The following PCDH9 variants were observed in gnomAD, a reference collection of about 807,000 sequenced individuals.
PCDH9 encodes the protein protocadherin 9.
Under a neutral mutation model 70.6 loss-of-function variants are expected in PCDH9, and 24 were observed. The ratio of observed to expected loss-of-function variants is 0.34; its 90% CI spans 0.25 to 0.48. The LOEUF is 0.48. PCDH9 is among the 20% of genes least tolerant of loss of function. The pLI is 0.99. For synonymous variants in PCDH9, 562 were observed against 558.5 expected (o/e 1.01, Z -0.09); for missense variants, 1,281 against 1,503.6 (o/e 0.85, Z 2.45).
intron 3 of PCDH9, among the ~76,000 whole-genome samples, chr13:66,894,787 T>G (rs1322170572): frequency 1.3e-5 from 2 of 152,126 alleles, no homozygotes; most frequent in Admixed American, 1.3e-4. Flanking sequence ...TACATATACT[T>G]AAAACTGTCT....
At chr13:66,391,196 A>G (rs1957011056) in intron 4 of PCDH9, among the ~76,000 whole-genome samples, 1 of 152,188 alleles carries the variant, frequency 6.6e-6, no homozygotes, top group Non-Finnish European at 1.5e-5. Context: ...AAGGAAAATA[A>G]CGTCCAATAG....
rs528305547 is a variant in PCDH9 at position 66,310,054 on chromosome 13, AT to A, written c.3341-5027del. 7.6e-4 allele frequency among the ~76,000 whole-genome samples: 115 copies of A among 151,860 alleles called. 1 individual carries two copies. The highest frequency in any genetic ancestry group is 1.1e-3 in the Admixed American group (17 of 15,224). ...TTTTTAAACACTGAAACATTTATTG[AT>A]TTTTTTTAACTCAAATTCTTTGTTG... On this transcript the variant is annotated intron_variant, in intron 4 of 4. Coordinates refer to ENST00000377865, the MANE Select transcript of PCDH9 (RefSeq NM_203487.3).
At chr13:66,871,832 C>G (rs890573076) in intron 3 of PCDH9, among the ~76,000 whole-genome samples, 2 of 151,966 alleles carry the variant, frequency 1.3e-5, no homozygotes, top group Non-Finnish European at 2.9e-5. Flanking sequence ...CATTACCACC[C>G]CCCCCTCAAC....
chr13:66,405,941 G>A (rs539570406), intron 4 of PCDH9, among the ~76,000 whole-genome samples: 2 of 152,076 alleles, frequency 1.3e-5, no homozygotes, highest in South Asian at 4.2e-4. Flanking sequence ...GGGACTGATT[G>A]GGAATGGAAT....
At chr13:66,561,820 T>TA (rs1962053936) in intron 4 of PCDH9, among the ~76,000 whole-genome samples, 1 of 152,002 alleles carries the variant, frequency 6.6e-6, no homozygotes, top group African/African-American at 2.4e-5. Flanking sequence ...TGGGGCCAGA[T>TA]AAGAGAATAA....
At chr13:66,673,986 A>C (rs2078210588) in intron 3 of PCDH9, among the ~76,000 whole-genome samples, 1 of 152,168 alleles carries the variant, frequency 6.6e-6, no homozygotes, top group East Asian at 1.9e-4. Flanking sequence ...CAACACATTT[A>C]GGAAATTATA....
intron 2 of PCDH9, among the ~76,000 whole-genome samples, chr13:67,052,749 A>G (rs947629943): frequency 3.9e-5 from 6 of 152,144 alleles, no homozygotes; most frequent in Non-Finnish European, 7.3e-5. Flanking sequence ...TGAGATATGT[A>G]TTAGGCAGAA....
intron 3 of PCDH9, among the ~76,000 whole-genome samples, chr13:66,651,420 C>T (rs1383517781): frequency 1.3e-5 from 2 of 151,770 alleles, no homozygotes; most frequent in Non-Finnish European, 2.9e-5. Flanking sequence ...GAATAAATTC[C>T]CAGACACATA....
chr13:66,769,061 T>C (rs191339150), intron 3 of PCDH9, among the ~76,000 whole-genome samples: 109 of 152,204 alleles, frequency 7.2e-4, no homozygotes, highest in Admixed American at 8.5e-4. Context: ...TTAATTTTCA[T>C]GGAGAAGGAC....
chr13:66,827,050 A>C (rs1176116795), intron 3 of PCDH9, among the ~76,000 whole-genome samples: 1 of 152,204 alleles, frequency 6.6e-6, no homozygotes, highest in Non-Finnish European at 1.5e-5. Context: ...AGTCATATGT[A>C]TCTTTATAGC....
intron 2 of PCDH9, among the ~76,000 whole-genome samples, chr13:67,028,391 G>C (rs1462022991): frequency 7.8e-6 from 1 of 128,058 alleles, no homozygotes; most frequent in African/African-American, 3.0e-5. Context: ...ACACAGGAAG[G>C]GGAACATCAC....
chr13:67,079,708 T>C (rs2085946783), intron 2 of PCDH9, among the ~76,000 whole-genome samples: 1 of 152,188 alleles, frequency 6.6e-6, no homozygotes. Flanking sequence ...TCTCCCTTTC[T>C]AGACTTTTTC....
chr13:66,588,151 A>AT (rs1326920253), intron 4 of PCDH9, among the ~76,000 whole-genome samples: 1 of 151,988 alleles, frequency 6.6e-6, no homozygotes, highest in Non-Finnish European at 1.5e-5. Context: ...TCACATAGAC[A>AT]TCTATAATTT....
At chr13:67,181,600 C>T (rs1485503468) in intron 2 of PCDH9, among the ~76,000 whole-genome samples, 1 of 152,126 alleles carries the variant, frequency 6.6e-6, no homozygotes, top group Non-Finnish European at 1.5e-5. Context: ...GTTCTGTGCA[C>T]ATATCCTAAA....
intron 4 of PCDH9, among the ~76,000 whole-genome samples, chr13:66,585,426 C>A (rs2076949599): frequency 6.6e-6 from 1 of 152,040 alleles, no homozygotes; most frequent in South Asian, 2.1e-4. Flanking sequence ...TTAACAGATT[C>A]TTATCTCTGC....
intron 4 of PCDH9, among the ~76,000 whole-genome samples, chr13:66,500,527 G>A (rs968732715): frequency 6.6e-6 from 1 of 151,722 alleles, no homozygotes; most frequent in African/African-American, 2.4e-5. Flanking sequence ...TTTTAACAGG[G>A]TAAGCATGGA....
chr13:67,228,038 T>C lies in PCDH9; in HGVS notation c.403A>G (p.Thr135Ala). ...GGAAACATGGGGGCATTATCATTGG[T>C]ATCCTTGACAATTATTTTTATTTTG... ...LIKIKIIVKDTNDNAPMFPSP... is the reference protein window; with the variant it reads ...LIKIKIIVKDANDNAPMFPSP... Residue 135 changes from threonine (T) to alanine (A), a missense_variant, in exon 2 of 5, where the codon ACC (threonine) becomes GCC (alanine). Thr to Ala is a moderately conservative substitution (Grantham distance 58, BLOSUM62 0). Around this residue, in one of 4 missense-constraint regions of PCDH9, gnomAD observed 798 missense variants for 1,003.1 expected, o/e 0.80. Coordinates refer to ENST00000377865, the MANE Select transcript of PCDH9 (RefSeq NM_203487.3). 1 of 1,613,930 alleles carries C rather than the reference T, an allele frequency of 6.2e-7. No individual in the cohort carries two copies. The highest frequency in any genetic ancestry group is 1.1e-5 in the South Asian group (1 of 91,028).
intron 3 of PCDH9, among the ~76,000 whole-genome samples, chr13:66,738,037 G>C (rs368594581): frequency 2.0e-5 from 3 of 152,172 alleles, no homozygotes; most frequent in Non-Finnish European, 2.9e-5. Context: ...TCCACCTCTG[G>C]GGGCAGGGCA....
chr13:66,927,121 C>A (rs1319204627), intron 2 of PCDH9, among the ~76,000 whole-genome samples: 2 of 151,906 alleles, frequency 1.3e-5, no homozygotes, highest in Non-Finnish European at 2.9e-5. Flanking sequence ...TCTGAATGAC[C>A]AATTTACAGT....
Sources: gnomAD v4.1 joint callset for allele counts (sites outside exome capture counted in the v4.1 genomes callset) on GRCh38, gnomAD v4.1.1 for gene constraint, gnomAD v4.1.1 regional missense constraint, MANE v1.5 for transcripts, NCBI Gene and HGNC (gene_info 2026-07-23, HGNC 2026-07-21) for gene names.